Variants in FAN1 observed in about 807,000 individuals in gnomAD.
The protein encoded by FAN1 is fanconi-associated nuclease 1.
Under a neutral mutation model 104.9 loss-of-function variants are expected in FAN1, and 91 were observed. That is an observed-to-expected ratio of 0.87 (90% CI 0.73 to 1.03). The LOEUF is 1.03. Ranked by LOEUF, FAN1 falls within the 50% of genes least tolerant of loss-of-function variation. The pLI, the probability that FAN1 is intolerant of heterozygous loss-of-function variation, is 0.00. For missense variants in FAN1, 1,263 were observed against 1,239.9 expected, an observed-to-expected ratio of 1.02 and a Z score of -0.28; for synonymous variants, 478 against 457.6, an observed-to-expected ratio of 1.04 and a Z score of -0.57.
intron 5 of FAN1, among the ~76,000 whole-genome samples, chr15:30,915,714 C>T (rs1243733342): frequency 2.6e-5 from 4 of 151,920 alleles, no homozygotes; most frequent in Non-Finnish European, 5.9e-5. Flanking sequence ...TAAATATGTG[C>T]AATTTTATGT....
rs141002478 is a variant in FAN1 at position 30,942,898 on chromosome 15, G to A, written c.*1336G>A. The A allele has an allele frequency of 1.3e-4, 206 of 1,562,078 alleles. 2 individuals carry two copies. In the East Asian group the frequency reaches 3.6e-3, roughly 27 times the overall value. ...TGTTAGCTGTGATTTACCTTTGTCC[G>A]TTTAAAAGACTTCACGGAGCCATTC... On this transcript the variant is annotated 3_prime_UTR_variant, in exon 15 of 15. Transcript: ENST00000362065.
chr15:30,933,667 G>GT (rs2062773158), intron 13 of FAN1, among the ~76,000 whole-genome samples: 1 of 152,010 alleles, frequency 6.6e-6, no homozygotes, highest in African/African-American at 2.4e-5. Context: ...TAAGTTGTCT[G>GT]TGTCCTTACT....
Position 30,937,130 on chromosome 15 carries a change from TA to T in FAN1, c.2931del (p.Gly978AlafsTer11). 1 of 1,609,062 alleles carries T rather than the reference TA, an allele frequency of 6.2e-7. No individual in the cohort carries two copies. ...QSRHFKLVEV[K>X]GPNDRLSHKQ... ...AATTTCTTTTCCAGCTGGTGGAAGTTAAAGGCCCCAATGATCGTCTTTCACA... is the reference window on the plus strand; with the variant it reads ...AATTTCTTTTCCAGCTGGTGGAAGTTAAGGCCCCAATGATCGTCTTTCACA... On this transcript the variant is annotated frameshift_variant, in exon 14 of 15. Coordinates refer to ENST00000362065, the MANE Select transcript of FAN1 (RefSeq NM_014967.5). LOFTEE classifies it high-confidence loss of function.
At chr15:30,934,840 T>G (rs2062808328) in intron 13 of FAN1, among the ~76,000 whole-genome samples, 1 of 152,238 alleles carries the variant, frequency 6.6e-6, no homozygotes, top group South Asian at 2.1e-4. Flanking sequence ...ATAATATATA[T>G]CTTCCCTTCC....
chr15:30,910,986 A>G, intron 4 of FAN1, 171 bp downstream of exon 4: 1 of 1,320,256 alleles, frequency 7.6e-7, no homozygotes, highest in Non-Finnish European at 9.6e-7. Context: ...TTGGGTTATT[A>G]TTCAAAATTT....
At chr15:30,917,917 T>C (rs2062227886) in intron 5 of FAN1, among the ~76,000 whole-genome samples, 1 of 152,274 alleles carries the variant, frequency 6.6e-6, no homozygotes, top group African/African-American at 2.4e-5. Context: ...ATCACATTTA[T>C]AGAATGGAAC....
At position 30,913,948 on chromosome 15, in the gene FAN1, C is replaced by G. The variant is rs1287894416; in HGVS notation, c.1668C>G (p.Asp556Glu). ...TCTTGCTACTGTTTTCGTTGACCGA[C>G]TCAATGGAAGATGAAGACGCCGCTT... ...SRILLLFSLT[D>E]SMEDEDAACG... Residue 556 changes from aspartate (D) to glutamate (E), a missense_variant, in exon 5 of 15, where the codon GAC becomes GAG. By Grantham distance (45) the Asp-to-Glu change is conservative (BLOSUM62 2). Around this residue, in one of 2 missense-constraint regions of FAN1, gnomAD observed 581 missense variants for 668.8 expected, o/e 0.87. Transcript: ENST00000362065. 6.2e-7 allele frequency: 1 copy of G among 1,614,150 alleles called. No individual in the cohort carries two copies. Among genetic ancestry groups the G allele is most frequent in the South Asian group, 1.1e-5 (1 of 91,088 alleles).
chr15:30,926,033 C>T, intron 10 of FAN1, 94 bp downstream of exon 10: 1 of 1,254,862 alleles, frequency 8.0e-7, no homozygotes, highest in South Asian at 1.3e-5. Context: ...TGTCCTCTCT[C>T]TGTCCTCTGC....
At chr15:30,929,623 TTA>T (rs2062571555) in intron 12 of FAN1, among the ~76,000 whole-genome samples, 1 of 74,942 alleles carries the variant, frequency 1.3e-5, no homozygotes, top group Non-Finnish European at 2.9e-5. Context: ...ATAATATATA[TTA>T]TATATTATAC....
chr15:30,918,075 C>A, intron 5 of FAN1, 89 bp from the exon 6 acceptor site: 1 of 1,325,346 alleles, frequency 7.5e-7, no homozygotes, highest in Non-Finnish European at 1.1e-6. Context: ...CACACTTTTA[C>A]CTTTCAGAGT....
intron 14 of FAN1, chr15:30,941,009 A>G (rs2063028487): frequency 1.7e-6 from 2 of 1,169,850 alleles, no homozygotes; most frequent in Non-Finnish European, 1.1e-6. Context: ...GGTGAGTTCA[A>G]TTAGAGACGA....
At chr15:30,936,741 G>T (rs1009489120) in intron 13 of FAN1, among the ~76,000 whole-genome samples, 1 of 152,186 alleles carries the variant, frequency 6.6e-6, no homozygotes, top group African/African-American at 2.4e-5. Flanking sequence ...CTCAGAATGT[G>T]TGCATTAGCC....
intron 13 of FAN1, 146 bp from the exon 14 acceptor site, chr15:30,936,973 C>G (rs964307527): frequency 1.5e-6 from 1 of 658,590 alleles, no homozygotes; most frequent in Admixed American, 3.0e-5. Context: ...AAGTGAAGGA[C>G]CATCCGTATA....
intron 13 of FAN1, 59 bp downstream of exon 13, chr15:30,930,730 G>T: frequency 6.3e-6 from 10 of 1,585,802 alleles, no homozygotes; most frequent in Non-Finnish European, 7.7e-6. Context: ...TGAATCAGAG[G>T]CCACAAGTAG....
intron 14 of FAN1, chr15:30,939,165 A>C: frequency 1.0e-6 from 1 of 985,404 alleles, no homozygotes; most frequent in Non-Finnish European, 1.2e-6. Flanking sequence ...ACCCTCTGTT[A>C]GTACAAATTA....
chr15:30,934,530 T>C (rs1318619215), intron 13 of FAN1, among the ~76,000 whole-genome samples: 1 of 152,130 alleles, frequency 6.6e-6, no homozygotes, highest in East Asian at 1.9e-4. Context: ...CACGCCACCA[T>C]GCCTGGCTAA....
intron 13 of FAN1, among the ~76,000 whole-genome samples, chr15:30,935,806 T>C (rs1161628105): frequency 6.6e-6 from 1 of 152,230 alleles, no homozygotes; most frequent in Non-Finnish European, 1.5e-5. Context: ...GTCTACTGTC[T>C]TCTAACTAGC....
intron 14 of FAN1, among the ~76,000 whole-genome samples, chr15:30,938,584 C>T (rs1288820463): frequency 1.3e-5 from 2 of 152,104 alleles, no homozygotes; most frequent in South Asian, 4.1e-4. Flanking sequence ...TCAGGCTGGG[C>T]AAGGGGGTGT....
intron 6 of FAN1, 48 bp from the exon 7 acceptor site, chr15:30,920,494 TATA>T: frequency 1.7e-6 from 2 of 1,149,806 alleles, no homozygotes; most frequent in Non-Finnish European, 2.6e-6. Flanking sequence ...ATTATTGTCT[TATA>T]ATAAATTAAC....
Sources: allele counts gnomAD v4.1 joint callset (sites outside exome capture counted in the v4.1 genomes callset), GRCh38; gene constraint gnomAD v4.1.1; regional missense constraint gnomAD v4.1.1; transcripts MANE v1.5; gene names NCBI Gene and HGNC (gene_info 2026-07-23, HGNC 2026-07-21).